The following FAM193A variants were observed in gnomAD, a reference collection of about 807,000 sequenced individuals.
FAM193A encodes family with sequence similarity 193 member A, also known as protein FAM193A.
FAM193A carries 22 observed loss-of-function variants against 126.5 expected under a neutral mutation model. That is an observed-to-expected ratio of 0.17 (90% CI 0.12 to 0.25). The LOEUF (loss-of-function observed/expected upper bound fraction) is 0.25, where lower values mean the gene tolerates loss of function less well. Ranked by LOEUF, FAM193A falls within the 10% of genes least tolerant of loss-of-function variation. FAM193A has a pLI of 1.00. For missense variants in FAM193A, 1,675 were observed against 1,672.8 expected (o/e 1.00, Z -0.02); for synonymous variants, 761 against 646.8 (o/e 1.18, Z -2.68).
At chr4:2,641,024 A>C (rs887888397) in intron 6 of FAM193A, among the ~76,000 whole-genome samples, 1 of 151,956 alleles carries the variant, frequency 6.6e-6, no homozygotes, top group Non-Finnish European at 1.5e-5. Flanking sequence ...TCTGTTGACT[A>C]CACCAGTTAT....
chr4:2,591,590 A>C (rs1039931279), intron 1 of FAM193A, among the ~76,000 whole-genome samples: 2 of 152,208 alleles, frequency 1.3e-5, no homozygotes, highest in Non-Finnish European at 2.9e-5. Flanking sequence ...GTTACCCGAG[A>C]GGATATTGCT....
chr4:2,680,740 C>G (rs1177812034), intron 13 of FAM193A, among the ~76,000 whole-genome samples: 1 of 152,016 alleles, frequency 6.6e-6, no homozygotes. Context: ...CTCCCAGGTT[C>G]AAGAGATTCT....
At chr4:2,615,482 A>G (rs1742124220) in intron 2 of FAM193A, among the ~76,000 whole-genome samples, 1 of 151,948 alleles carries the variant, frequency 6.6e-6, no homozygotes, top group Non-Finnish European at 1.5e-5. Context: ...TTGTTCATTG[A>G]CCCATGTTTT....
At chr4:2,622,027 G>T (rs536658648) in intron 2 of FAM193A, among the ~76,000 whole-genome samples, 2 of 152,192 alleles carry the variant, frequency 1.3e-5, no homozygotes, top group African/African-American at 2.4e-5. Flanking sequence ...AATGAAGGTG[G>T]GCGGATCACT....
chr4:2,707,713 A>ATTTTTTTTTTTTTTTT (rs752751839), intron 19 of FAM193A, among the ~76,000 whole-genome samples: 1 of 130,826 alleles, frequency 7.6e-6, no homozygotes, highest in African/African-American at 2.9e-5. Flanking sequence ...TATATTTCTT[A>ATTTTTTTTTTTTTTTT]TTTTTTTTTT....
intron 2 of FAM193A, among the ~76,000 whole-genome samples, chr4:2,597,432 G>A (rs1213176394): frequency 2.0e-5 from 3 of 151,978 alleles, no homozygotes; most frequent in African/African-American, 4.8e-5. Flanking sequence ...CTCTTCTTCC[G>A]ACTCCAGCCC....
At chr4:2,549,722 T>C (rs1486168759) in intron 1 of FAM193A, among the ~76,000 whole-genome samples, 1 of 151,122 alleles carries the variant, frequency 6.6e-6, no homozygotes, top group African/African-American at 2.4e-5. Flanking sequence ...AAAAATTTTA[T>C]AGTTTTACTT....
At chr4:2,573,644 C>A (rs1739419954) in intron 1 of FAM193A, among the ~76,000 whole-genome samples, 1 of 152,168 alleles carries the variant, frequency 6.6e-6, no homozygotes, top group Non-Finnish European at 1.5e-5. Flanking sequence ...TGCTGCGCCA[C>A]CCCTCACTTG....
intron 2 of FAM193A, 104 bp from the exon 3 acceptor site, chr4:2,625,158 G>A: frequency 1.7e-6 from 1 of 594,824 alleles, no homozygotes; most frequent in Non-Finnish European, 3.0e-6. Context: ...CAATGTTTAG[G>A]TTTTACAGTT....
chr4:2,657,459 A>G (rs1395905096), intron 7 of FAM193A, among the ~76,000 whole-genome samples: 2 of 152,140 alleles, frequency 1.3e-5, no homozygotes, highest in South Asian at 2.1e-4. Flanking sequence ...CCGAGTTGCC[A>G]TCATCTTGCT....
chr4:2,552,136 G>C (rs919090769), intron 1 of FAM193A, among the ~76,000 whole-genome samples: 1 of 147,460 alleles, frequency 6.8e-6, no homozygotes, highest in African/African-American at 2.5e-5. Context: ...CTCAGCCTCC[G>C]GAGTAGCTGG....
intron 13 of FAM193A, among the ~76,000 whole-genome samples, chr4:2,687,652 A>T (rs551282293): frequency 2.6e-5 from 4 of 152,248 alleles, no homozygotes; most frequent in Admixed American, 2.6e-4. Flanking sequence ...TGCCACCTTC[A>T]CTGCCATTGC....
At chr4:2,689,753 GAC>G in intron 14 of FAM193A, 49 bp downstream of exon 14, 1 of 1,349,138 alleles carries the variant, frequency 7.4e-7, no homozygotes, top group Non-Finnish European at 1.0e-6. Context: ...AACCTGAGTA[GAC>G]TGACATCTTT....
At chr4:2,591,186 G>A (rs577640104) in intron 1 of FAM193A, among the ~76,000 whole-genome samples, 1 of 152,206 alleles carries the variant, frequency 6.6e-6, no homozygotes, top group African/African-American at 2.4e-5. Flanking sequence ...AAGGAAAGGC[G>A]GGGAGATTGG....
At chr4:2,543,677 AG>A (rs1737368979) in intron 1 of FAM193A, among the ~76,000 whole-genome samples, 1 of 151,604 alleles carries the variant, frequency 6.6e-6, no homozygotes, top group Non-Finnish European at 1.5e-5. Flanking sequence ...GCCAACATGG[AG>A]AAACCCCATC....
At chr4:2,709,564 C>T (rs966966549) in intron 19 of FAM193A, among the ~76,000 whole-genome samples, 3 of 152,092 alleles carry the variant, frequency 2.0e-5, no homozygotes, top group Non-Finnish European at 4.4e-5. Context: ...CAAAAATTTG[C>T]CAGGCGTAGT....
intron 1 of FAM193A, among the ~76,000 whole-genome samples, chr4:2,576,203 T>G (rs1739577692): frequency 6.6e-6 from 1 of 152,100 alleles, no homozygotes; most frequent in Admixed American, 6.6e-5. Flanking sequence ...TTCAAGTGAT[T>G]TTCCTTGCCT....
At chr4:2,624,884 A>C (rs572631611) in intron 2 of FAM193A, among the ~76,000 whole-genome samples, 5 of 152,026 alleles carry the variant, frequency 3.3e-5, no homozygotes, top group Admixed American at 1.3e-4. Context: ...CTGTGTGACA[A>C]TGTCTCTGTC....
chr4:2,613,206 G>A (rs1457207256), intron 2 of FAM193A, among the ~76,000 whole-genome samples: 1 of 152,134 alleles, frequency 6.6e-6, no homozygotes, highest in South Asian at 2.1e-4. Flanking sequence ...GGAGTTCTAC[G>A]CAGGTGGATT....
Sources: allele counts gnomAD v4.1 joint callset (sites outside exome capture counted in the v4.1 genomes callset), GRCh38; gene constraint gnomAD v4.1.1; transcripts MANE v1.5; gene names NCBI Gene and HGNC (gene_info 2026-07-23, HGNC 2026-07-21).